SGCD: variants seen among roughly 807,000 people sequenced by gnomAD.
The protein encoded by SGCD is delta-sarcoglycan.
A neutral mutation model predicts 36.6 loss-of-function variants in SGCD; 18 were observed. The ratio of observed to expected loss-of-function variants is 0.49; its 90% CI spans 0.34 to 0.73. The LOEUF (loss-of-function observed/expected upper bound fraction) is 0.73. Among genes scored for constraint, SGCD ranks in the 30% least tolerant of loss-of-function variants. SGCD has a pLI of 0.01. For synonymous variants in SGCD, 133 were observed against 130.6 expected (o/e 1.02, Z -0.12); for missense variants, 387 against 346.7 (o/e 1.12, Z -0.92).
intron 3 of SGCD, among the ~76,000 whole-genome samples, chr5:156,316,664 G>A (rs1337763214): frequency 6.6e-6 from 1 of 151,822 alleles, no homozygotes; most frequent in Admixed American, 6.6e-5. Context: ...TATGATGTGT[G>A]GTCAACTATT....
chr5:156,721,707 G>A (rs987647770), intron 7 of SGCD, among the ~76,000 whole-genome samples: 3 of 152,168 alleles, frequency 2.0e-5, no homozygotes, highest in Non-Finnish European at 4.4e-5. Context: ...TGCTCAAGTG[G>A]GGAAGAGAAG....
intron 1 of SGCD, among the ~76,000 whole-genome samples, chr5:156,061,712 A>G (rs1448090015): frequency 6.9e-6 from 1 of 145,610 alleles, no homozygotes; most frequent in Non-Finnish European, 1.5e-5. Context: ...TAGGAACAGG[A>G]GAAATTTATT....
At chr5:156,137,798 G>T (rs1248557495) in intron 3 of SGCD, among the ~76,000 whole-genome samples, 1 of 152,012 alleles carries the variant, frequency 6.6e-6, no homozygotes, top group Non-Finnish European at 1.5e-5. Flanking sequence ...GCCAAATATG[G>T]GTGGTTCTGT....
At chr5:156,171,571 A>C (rs1763348429) in intron 3 of SGCD, among the ~76,000 whole-genome samples, 1 of 152,212 alleles carries the variant, frequency 6.6e-6, no homozygotes, top group Non-Finnish European at 1.5e-5. Context: ...GTAACATTTT[A>C]GTTAAAAGGT....
intron 7 of SGCD, among the ~76,000 whole-genome samples, chr5:156,726,264 T>C (rs1755768950): frequency 6.6e-6 from 1 of 152,162 alleles, no homozygotes; most frequent in Non-Finnish European, 1.5e-5. Context: ...CCTAAGAATG[T>C]TTGTCTCTCC....
chr5:155,913,361 A>G (rs961106863), intron 1 of SGCD, among the ~76,000 whole-genome samples: 1 of 152,170 alleles, frequency 6.6e-6, no homozygotes, highest in Non-Finnish European at 1.5e-5. Context: ...GACTCCAGAG[A>G]GCACAATATG....
At chr5:155,803,157 T>C in the SGCD span, among the ~76,000 whole-genome samples, 1 of 152,236 alleles carries the variant, frequency 6.6e-6, no homozygotes. Context: ...AGTTTGTGTC[T>C]ATCAGTCTGA....
intron 1 of SGCD, among the ~76,000 whole-genome samples, chr5:156,085,354 C>T (rs1365660145): frequency 2.0e-5 from 3 of 152,066 alleles, no homozygotes; most frequent in Non-Finnish European, 2.9e-5. Flanking sequence ...GTGCTGTCCT[C>T]GTGATAGTGA....
chr5:156,383,454 A>G (rs1580904681), intron 3 of SGCD, among the ~76,000 whole-genome samples: 1 of 152,264 alleles, frequency 6.6e-6, no homozygotes, highest in East Asian at 1.9e-4. Flanking sequence ...CAGTGGGCCA[A>G]GATCGCGCCA....
intron 1 of SGCD, among the ~76,000 whole-genome samples, chr5:156,048,534 G>T (rs1217976709): frequency 6.6e-6 from 1 of 152,148 alleles, no homozygotes; most frequent in Non-Finnish European, 1.5e-5. Flanking sequence ...GGGAGATGGG[G>T]TATCTCATTG....
At chr5:156,383,385 T>C (rs905678310) in intron 3 of SGCD, among the ~76,000 whole-genome samples, 1 of 152,010 alleles carries the variant, frequency 6.6e-6, no homozygotes, top group African/African-American at 2.4e-5. Context: ...TGCATGTTAG[T>C]CCCAGCTACT....
chr5:156,243,733 T>C (rs763207582), intron 3 of SGCD, among the ~76,000 whole-genome samples: 9 of 152,034 alleles, frequency 5.9e-5, no homozygotes, highest in Non-Finnish European at 1.2e-4. Flanking sequence ...ACAAGGAAAA[T>C]ATAAAATAAG....
intron 3 of SGCD, among the ~76,000 whole-genome samples, chr5:156,317,470 T>C (rs1310017886): frequency 6.6e-6 from 1 of 152,124 alleles, no homozygotes; most frequent in African/African-American, 2.4e-5. Context: ...ATCACAAACA[T>C]GATCGCAATT....
At position 156,676,318 on chromosome 5, in the gene SGCD, A is replaced by G. The variant is rs2113671101; in HGVS notation, c.575+28782A>G. On this transcript the variant is annotated intron_variant, in intron 7 of 8. Transcript: ENST00000337851. The stretch of plus-strand genomic sequence containing the variant: ...CTGCAACCTGTTGCTGGCCCAGACT[A>G]ACCTATAAGATAAAGTGACTGCTGT... Among the ~76,000 whole-genome samples, 2 of 152,288 alleles carry G rather than the reference A, an allele frequency of 1.3e-5. 1 individual carries two copies. The highest frequency in any genetic ancestry group is 4.8e-5 in the African/African-American group (2 of 41,564).
chr5:156,734,024 T>G (rs1756219325), intron 7 of SGCD, among the ~76,000 whole-genome samples: 3 of 152,144 alleles, frequency 2.0e-5, no homozygotes, highest in African/African-American at 7.2e-5. Context: ...ATCAGTGTGT[T>G]TTTGTAGTGG....
rs576225627 is a variant in SGCD at position 156,757,469 on chromosome 5, A to C, written c.576-112A>C. The C allele has an allele frequency of 8.0e-4, 568 of 706,250 alleles. 2 individuals carry two copies. The highest frequency in any genetic ancestry group is 1.6e-3 in the Admixed American group (54 of 32,890). The allele number at this position is 706,250 out of a possible 1,614,324, so 43.7% of individuals were successfully genotyped here. On this transcript the variant is annotated intron_variant, in intron 7 of 8. Transcript: ENST00000337851. ...AGGTTGTAAAGCAAAACTTTAAAAA[A>C]TTCTCTGATCAAATACTGGAATGCT...
At chr5:156,654,453 A>G (rs1763594429) in intron 7 of SGCD, among the ~76,000 whole-genome samples, 2 of 152,156 alleles carry the variant, frequency 1.3e-5, no homozygotes, top group African/African-American at 2.4e-5. Context: ...AGTATGAGTC[A>G]TTAATAAAAA....
At chr5:155,877,600 A>G (rs957328276) in intron 1 of SGCD, among the ~76,000 whole-genome samples, 1 of 152,084 alleles carries the variant, frequency 6.6e-6, no homozygotes, top group Admixed American at 6.6e-5. Context: ...ACATTTTTCT[A>G]CAAACAGTCA....
At chr5:156,181,003 A>ATTTCTTT (rs1763592658) in intron 3 of SGCD, among the ~76,000 whole-genome samples, 1 of 152,224 alleles carries the variant, frequency 6.6e-6, no homozygotes, top group Non-Finnish European at 1.5e-5. Context: ...CTTAAGACAA[A>ATTTCTTT]TGCATTTCTT....
Sources: allele counts gnomAD v4.1 joint callset (sites outside exome capture counted in the v4.1 genomes callset), GRCh38; gene constraint gnomAD v4.1.1; transcripts MANE v1.5; gene names NCBI Gene and HGNC (gene_info 2026-07-23, HGNC 2026-07-21).